Variants in SCN9A observed in about 807,000 individuals in gnomAD.
The protein encoded by SCN9A is sodium channel protein type 9 subunit alpha.
A neutral mutation model predicts 187.0 loss-of-function variants in SCN9A; 131 were observed. That is an observed-to-expected ratio of 0.70 (90% CI 0.61 to 0.81). The LOEUF (loss-of-function observed/expected upper bound fraction) is 0.81. Ranked by LOEUF, SCN9A falls within the 30% of genes least tolerant of loss-of-function variation. The pLI is 0.00. For synonymous variants in SCN9A, 809 were observed against 808.6 expected (o/e 1.00, Z -0.01); for missense variants, 2,252 against 2,396.6 (o/e 0.94, Z 1.26).
rs758710445 is a variant in SCN9A at position 166,226,633 on chromosome 2, C to G, written c.4332G>C (p.Gly1444=). 1 of 1,589,218 alleles carries G rather than the reference C, an allele frequency of 6.3e-7. No homozygotes were observed. Among genetic ancestry groups the G allele is most frequent in the South Asian group, 1.2e-5 (1 of 84,278 alleles). The change falls in exon 24 of 27, where the codon GGG becomes GGC. Residue 1444 remains glycine, a synonymous_variant. Transcript: ENST00000642356. ...TGAACAAGTTCAAAGTGAAGAATGA[C>G]CCAAAGATGATAAAGACGACAAAAT... ...YIYFVVFIIF[G]SFFTLNLFIG...
At chr2:166,361,179 C>T (rs889581574) in intron 1 of SCN9A, among the ~76,000 whole-genome samples, 1 of 151,604 alleles carries the variant, frequency 6.6e-6, no homozygotes, top group African/African-American at 2.4e-5. Context: ...TAGCACATTT[C>T]CTGTTACACT....
intron 1 of SCN9A, among the ~76,000 whole-genome samples, chr2:166,314,949 TG>T (rs1410229845): frequency 1.3e-5 from 2 of 152,234 alleles, no homozygotes; most frequent in Admixed American, 6.5e-5. Context: ...CACTTTAAAA[TG>T]GTGATTTTTT....
intron 24 of SCN9A, among the ~76,000 whole-genome samples, chr2:166,206,998 C>G (rs1331257582): frequency 6.6e-6 from 1 of 152,050 alleles, no homozygotes; most frequent in Non-Finnish European, 1.5e-5. Flanking sequence ...AACATAACAT[C>G]TAAATGAGGT....
At chr2:166,268,199 G>GA (rs559967553) in intron 17 of SCN9A, among the ~76,000 whole-genome samples, 1 of 151,810 alleles carries the variant, frequency 6.6e-6, no homozygotes, top group African/African-American at 2.4e-5. Flanking sequence ...TAAATAAACT[G>GA]AAAAAAATGT....
intron 21 of SCN9A, among the ~76,000 whole-genome samples, chr2:166,229,516 A>C (rs1348407724): frequency 1.3e-5 from 2 of 151,946 alleles, no homozygotes; most frequent in Non-Finnish European, 2.9e-5. Flanking sequence ...TAATTTAATT[A>C]TTTTCTTTTC....
At chr2:166,374,336 C>CAGA (rs1700635437) in intron 1 of SCN9A, among the ~76,000 whole-genome samples, 2 of 152,206 alleles carry the variant, frequency 1.3e-5, no homozygotes, top group African/African-American at 4.8e-5. Flanking sequence ...GCCAAACTAT[C>CAGA]AGTTGCCTAA....
At chr2:166,222,787 C>T (rs962867341) in intron 24 of SCN9A, among the ~76,000 whole-genome samples, 6 of 141,412 alleles carry the variant, frequency 4.2e-5, no homozygotes, top group East Asian at 2.0e-4. Flanking sequence ...AAAAATTAGC[C>T]GGGCATGGTG....
chr2:166,221,025 A>G (rs985002149), intron 24 of SCN9A, among the ~76,000 whole-genome samples: 1 of 152,220 alleles, frequency 6.6e-6, no homozygotes, highest in Non-Finnish European at 1.5e-5. Flanking sequence ...ACAATAAACA[A>G]TCTGAAGAGA....
In SCN9A at chr2:166,195,350, A is replaced by T. The variant is rs201581806; in HGVS notation, c.*3322T>A. On this transcript the variant is annotated 3_prime_UTR_variant, in exon 27 of 27. Transcript: ENST00000642356. ...CTATGTAAACAGCTTTATGATATTC[A>T]TGGCTATTTATTTATTTTCATGAAG... 3 of 152,172 alleles carry T rather than the reference A, an allele frequency of 2.0e-5. No homozygotes were observed. Among genetic ancestry groups the T allele is most frequent in the African/African-American group, 7.2e-5 (3 of 41,426 alleles). The allele number at this position is 152,172 out of a possible 1,614,324, so 9.4% of individuals were successfully genotyped here.
chr2:166,209,826 T>C (rs1693998597), intron 24 of SCN9A, among the ~76,000 whole-genome samples: 1 of 152,006 alleles, frequency 6.6e-6, no homozygotes, highest in Non-Finnish European at 1.5e-5. Context: ...GGAGAGGATG[T>C]GGAGAAATAG....
intron 1 of SCN9A, 133 bp from the exon 2 acceptor site, chr2:166,311,939 T>G: frequency 2.0e-6 from 1 of 506,082 alleles, no homozygotes. Context: ...ATTATCAGCT[T>G]GTTAAGGGAT....
rs543855613 is a variant in SCN9A at position 166,300,251 on chromosome 2, T to G, written c.901+2839A>C. On this transcript the variant is annotated intron_variant, in intron 7 of 26. Transcript: ENST00000642356. ...TACTTTCTCTGTTGCCATTCTTCCT[T>G]TCTCTTACCAAACCACGCTGCTGTT... 3.3e-5 allele frequency among the ~76,000 whole-genome samples: 5 copies of G among 151,024 alleles called. No individual in the cohort carries two copies. The South Asian group carries it at 6.2e-4, about 19-fold the overall frequency.
At chr2:166,213,063 A>G (rs1419653106) in intron 24 of SCN9A, among the ~76,000 whole-genome samples, 1 of 152,180 alleles carries the variant, frequency 6.6e-6, no homozygotes, top group African/African-American at 2.4e-5. Context: ...ATATAGATTT[A>G]CATGTCTAGG....
In SCN9A at chr2:166,228,921, G is replaced by A. The variant is rs1454621248; in HGVS notation, c.3976C>T (p.Leu1326Phe). The change falls in exon 22 of 27, where the codon CTT becomes TTT. Residue 1326 changes from leucine to phenylalanine, a missense_variant. This residue lies in a region of SCN9A where 368 missense variants were observed against 408.6 expected (regional missense o/e 0.90). Transcript: ENST00000642356. ...GAIPSIMNVL[L>F]VCLIFWLIFS... ...ATCAGCCAGAATATAAGACACACAAGTAGCACATTCATGATGGAAGGAATT... is the reference window on the plus strand; with the variant it reads ...ATCAGCCAGAATATAAGACACACAAATAGCACATTCATGATGGAAGGAATT... 6.2e-7 allele frequency: 1 copy of A among 1,613,502 alleles called. No individual in the cohort carries two copies. The highest frequency in any genetic ancestry group is 1.3e-5 in the African/African-American group (1 of 74,886).
intron 23 of SCN9A, among the ~76,000 whole-genome samples, 167 bp downstream of exon 23, chr2:166,227,503 T>G (rs1694888247): frequency 6.6e-6 from 1 of 152,214 alleles, no homozygotes; most frequent in Non-Finnish European, 1.5e-5. Flanking sequence ...TGAATCAGGC[T>G]CTATCTCCAA....
At chr2:166,333,802 T>C (rs965172523) in intron 1 of SCN9A, among the ~76,000 whole-genome samples, 3 of 152,026 alleles carry the variant, frequency 2.0e-5, no homozygotes, top group African/African-American at 7.2e-5. Context: ...AGGGATAAAA[T>C]ACATTTCAAA....
chr2:166,372,496 A>G (rs1414271623), intron 1 of SCN9A, among the ~76,000 whole-genome samples: 2 of 152,190 alleles, frequency 1.3e-5, no homozygotes, highest in African/African-American at 4.8e-5. Flanking sequence ...TTAGATTTGG[A>G]GTCACTTATA....
intron 12 of SCN9A, among the ~76,000 whole-genome samples, chr2:166,282,272 C>T (rs896630741): frequency 1.8e-4 from 28 of 152,198 alleles, no homozygotes; most frequent in African/African-American, 5.8e-4. Flanking sequence ...ATTGAGGGAA[C>T]AACATTAATG....
intron 7 of SCN9A, among the ~76,000 whole-genome samples, chr2:166,296,678 T>A (rs1698314889): frequency 6.6e-6 from 1 of 152,192 alleles, no homozygotes; most frequent in Non-Finnish European, 1.5e-5. Flanking sequence ...ACTACTGTAT[T>A]TAACACAGTA....
Sources: allele counts gnomAD v4.1 joint callset (sites outside exome capture counted in the v4.1 genomes callset), GRCh38; gene constraint gnomAD v4.1.1; regional missense constraint gnomAD v4.1.1; transcripts MANE v1.5; gene names NCBI Gene and HGNC (gene_info 2026-07-23, HGNC 2026-07-21).